The following LRRC8B variants were observed in gnomAD, a reference collection of about 807,000 sequenced individuals.
The protein encoded by LRRC8B is volume-regulated anion channel subunit LRRC8B.
In LRRC8B, 23 loss-of-function variants were observed where a neutral mutation model predicts 58.8. That is an observed-to-expected ratio of 0.39 (90% CI 0.28 to 0.55). The LOEUF is 0.55. Among genes scored for constraint, LRRC8B ranks in the 20% least tolerant of loss-of-function variants. The pLI is 0.62. For synonymous variants in LRRC8B, 359 were observed against 374.1 expected, an observed-to-expected ratio of 0.96 and a Z score of 0.47; for missense variants, 694 against 936.0, an observed-to-expected ratio of 0.74 and a Z score of 3.37.
intron 5 of LRRC8B, among the ~76,000 whole-genome samples, chr1:89,589,155 T>G (rs1280843587): frequency 6.6e-6 from 1 of 152,216 alleles, no homozygotes; most frequent in South Asian, 2.1e-4. Context: ...ATACTTATTC[T>G]TCTGGTCCTT....
At chr1:89,532,529 G>A (rs546133483) in intron 1 of LRRC8B, among the ~76,000 whole-genome samples, 1 of 152,238 alleles carries the variant, frequency 6.6e-6, no homozygotes, top group South Asian at 2.1e-4. Context: ...GTGATTGTGA[G>A]CTAGTTCTCA....
At chr1:89,551,712 G>A (rs1651829512) in intron 1 of LRRC8B, among the ~76,000 whole-genome samples, 1 of 152,122 alleles carries the variant, frequency 6.6e-6, no homozygotes, top group African/African-American at 2.4e-5. Context: ...AGAAAAGAGG[G>A]TCCCCAAAGA....
chr1:89,580,212 C>T (rs915821438), intron 4 of LRRC8B, among the ~76,000 whole-genome samples: 2 of 152,204 alleles, frequency 1.3e-5, no homozygotes, highest in Admixed American at 6.5e-5. Flanking sequence ...ATCGATTGCC[C>T]GTGTTCCTCT....
chr1:89,585,133 A>G (rs1654533318), intron 5 of LRRC8B, among the ~76,000 whole-genome samples: 4 of 152,198 alleles, frequency 2.6e-5, no homozygotes, highest in Admixed American at 2.0e-4. Flanking sequence ...TGTTTTATAA[A>G]GGTTTTAGGT....
At chr1:89,560,753 A>G (rs1652581998) in intron 1 of LRRC8B, among the ~76,000 whole-genome samples, 1 of 149,832 alleles carries the variant, frequency 6.7e-6, no homozygotes, top group East Asian at 1.9e-4. Context: ...TCCATGGTGT[A>G]TATGTGCCAC....
Position 89,543,432 on chromosome 1 carries a change from T to C in LRRC8B, c.-241+18410T>C, listed in dbSNP as rs909084388. Among the ~76,000 whole-genome samples the C allele has an allele frequency of 2.6e-5, 4 of 152,248 alleles. No homozygotes were observed. The East Asian group carries it at 7.7e-4, about 29-fold the overall frequency. ...CAAACGCCAGTGAGTGGTAGTTTTC[T>C]TATTATAAAACAATCTATTATACAA... On this transcript the variant is annotated intron_variant, in intron 1 of 5. Coordinates refer to ENST00000330947, the MANE Select transcript of LRRC8B (RefSeq NM_001369817.2).
At chr1:89,525,471 C>A (rs1006658578) in intron 1 of LRRC8B, among the ~76,000 whole-genome samples, 1 of 152,210 alleles carries the variant, frequency 6.6e-6, no homozygotes, top group African/African-American at 2.4e-5. Flanking sequence ...CTGTTTTGCC[C>A]CCTGCGCTGG....
At chr1:89,544,699 G>C (rs547594371) in intron 1 of LRRC8B, among the ~76,000 whole-genome samples, 1 of 152,152 alleles carries the variant, frequency 6.6e-6, no homozygotes, top group Non-Finnish European at 1.5e-5. Flanking sequence ...GTAGAACAGT[G>C]CTTTCTTGAT....
At chr1:89,580,082 A>G (rs1029356331) in intron 4 of LRRC8B, among the ~76,000 whole-genome samples, 5 of 152,194 alleles carry the variant, frequency 3.3e-5, no homozygotes, top group African/African-American at 9.7e-5. Flanking sequence ...TAAAGCTTCC[A>G]TCTACCTGGT....
chr1:89,577,929 G>A (rs576014485), intron 3 of LRRC8B, among the ~76,000 whole-genome samples: 1 of 152,128 alleles, frequency 6.6e-6, no homozygotes, highest in Non-Finnish European at 1.5e-5. Context: ...AGACTGTGGC[G>A]TAGTTAATTG....
At chr1:89,547,588 C>T (rs1462575897) in intron 1 of LRRC8B, among the ~76,000 whole-genome samples, 1 of 152,210 alleles carries the variant, frequency 6.6e-6, no homozygotes, top group African/African-American at 2.4e-5. Context: ...CCTGTCTTTC[C>T]TTCAAACTTT....
chr1:89,584,429 C>A lies in LRRC8B; in HGVS notation c.1779C>A (p.Ile593=). 1.2e-6 allele frequency: 2 copies of A among 1,614,150 alleles called. No individual in the cohort carries two copies. The highest frequency in any genetic ancestry group is 1.7e-6 in the Non-Finnish European group (2 of 1,180,018). ...TCAATCTGAAAAGCCTAGAACTGAT[C>A]AGCTGTGACCTGGAACGCATCCCAC... ...KMVNLKSLEL[I]SCDLERIPHS... The change falls in exon 5 of 6, where the codon ATC becomes ATA. Residue 593 remains isoleucine (I), a synonymous_variant. Transcript: ENST00000330947.
At chr1:89,553,266 A>T (rs1651948789) in intron 1 of LRRC8B, among the ~76,000 whole-genome samples, 1 of 152,226 alleles carries the variant, frequency 6.6e-6, no homozygotes, top group East Asian at 1.9e-4. Context: ...TTGATTAGGT[A>T]CCAGTTGTGC....
rs1318087074 is a variant in LRRC8B, at chr1:89,583,046, T to G, written c.396T>G (p.Phe132Leu). Residue 132 changes from phenylalanine to leucine, a missense_variant, in exon 5 of 6, where the codon TTT (phenylalanine) becomes TTG (leucine). Around this residue, in one of 5 missense-constraint regions of LRRC8B, gnomAD observed 316 missense variants for 403.8 expected, o/e 0.78. Coordinates refer to ENST00000330947, the MANE Select transcript of LRRC8B (RefSeq NM_001369817.2). This position sits in a 1 kb window ranked among gnomAD's most constrained non-coding sequence, Gnocchi z 5.2. ...TGGTGCTCTTGCACACGCTCATCTT[T>G]GCAGCCTGCAGCAACTTTTGGCTTC... is the stretch of plus-strand genomic sequence containing the variant. ...PYLVLLHTLIFAACSNFWLHY... is the reference protein window; with the variant it reads ...PYLVLLHTLILAACSNFWLHY... 6.2e-7 allele frequency: 1 copy of G among 1,614,206 alleles called. No individual in the cohort carries two copies. The highest frequency in any genetic ancestry group is 1.3e-5 in the African/African-American group (1 of 75,064).
chr1:89,544,134 C>T (rs1651229365), intron 1 of LRRC8B, among the ~76,000 whole-genome samples: 1 of 152,044 alleles, frequency 6.6e-6, no homozygotes, highest in South Asian at 2.1e-4. Flanking sequence ...TTATGCAGAA[C>T]AAGGTGTAAG....
chr1:89,562,559 G>A (rs936263357), intron 1 of LRRC8B, among the ~76,000 whole-genome samples: 6 of 151,408 alleles, frequency 4.0e-5, no homozygotes, highest in South Asian at 2.1e-4. Context: ...CTGCAGCCTC[G>A]ACCTCCTGAA....
chr1:89,540,230 T>C (rs1044480799), intron 1 of LRRC8B, among the ~76,000 whole-genome samples: 2 of 152,228 alleles, frequency 1.3e-5, no homozygotes, highest in Non-Finnish European at 2.9e-5. Context: ...TAATACTATG[T>C]TTAGAATATA....
rs575088650 is a variant in LRRC8B, at chr1:89,585,331, A to G, written c.2139+542A>G. ...GAAAGGCCTGCCTCTATAATGCAAC[A>G]CTACAGCTTCTTAGAAGCTTTTTCC... is the stretch of plus-strand genomic sequence containing the variant. On this transcript the variant is annotated intron_variant, in intron 5 of 5. Coordinates refer to ENST00000330947, the MANE Select transcript of LRRC8B (RefSeq NM_001369817.2). Among the ~76,000 whole-genome samples, 4 of 152,350 alleles carry G rather than the reference A, an allele frequency of 2.6e-5. No homozygotes were observed. In the South Asian group the frequency reaches 8.3e-4, roughly 32 times the overall value.
At chr1:89,558,496 A>G (rs1652358482) in intron 1 of LRRC8B, among the ~76,000 whole-genome samples, 1 of 152,142 alleles carries the variant, frequency 6.6e-6, no homozygotes. Context: ...AAAGGAGGCA[A>G]TTTCAGAGTC....
Sources: allele counts gnomAD v4.1 joint callset (sites outside exome capture counted in the v4.1 genomes callset), GRCh38; gene constraint gnomAD v4.1.1; regional missense constraint gnomAD v4.1.1; non-coding constraint Gnocchi (gnomAD v3.1); transcripts MANE v1.5; gene names NCBI Gene and HGNC (gene_info 2026-07-23, HGNC 2026-07-21).